The following MTUS2 variants were observed in gnomAD, a reference collection of about 807,000 sequenced individuals.
MTUS2 encodes the protein microtubule associated scaffold protein 2.
MTUS2 carries 40 observed loss-of-function variants against 114.1 expected under a neutral mutation model. The observed-to-expected ratio is 0.35, with a 90% CI of 0.27 to 0.46. MTUS2 has a LOEUF of 0.46. Ranked by LOEUF, MTUS2 falls within the 20% of genes least tolerant of loss-of-function variation. The pLI, the probability that MTUS2 is intolerant of heterozygous loss-of-function variation, is 1.00. For missense variants in MTUS2, 1,679 were observed against 1,705.4 expected, an observed-to-expected ratio of 0.98 and a Z score of 0.27; for synonymous variants, 688 against 672.0, an observed-to-expected ratio of 1.02 and a Z score of -0.37.
intron 4 of MTUS2, among the ~76,000 whole-genome samples, chr13:29,035,179 CT>C (rs1887006799): frequency 6.6e-6 from 1 of 152,210 alleles, no homozygotes; most frequent in Admixed American, 6.5e-5. Flanking sequence ...CTCCATCCTA[CT>C]CCTTCAGGAC....
At chr13:29,005,050 G>A (rs1250899293) in intron 2 of MTUS2, among the ~76,000 whole-genome samples, 2 of 152,186 alleles carry the variant, frequency 1.3e-5, no homozygotes, top group East Asian at 1.9e-4. Context: ...AGCCAATGAG[G>A]CCATGGAGAT....
intron 9 of MTUS2, among the ~76,000 whole-genome samples, chr13:29,473,067 CTA>C (rs1326122165): frequency 6.6e-5 from 10 of 152,108 alleles, no homozygotes; most frequent in African/African-American, 2.2e-4. Context: ...ATGATAGTGA[CTA>C]TTATAGTGAC....
At chr13:28,938,241 G>T (rs1882019805) in intron 2 of MTUS2, among the ~76,000 whole-genome samples, 1 of 152,008 alleles carries the variant, frequency 6.6e-6, no homozygotes, top group African/African-American at 2.4e-5. Flanking sequence ...AATTAGCTGG[G>T]CATGGTGTCG....
chr13:29,061,251 A>C (rs1307994774), intron 4 of MTUS2, among the ~76,000 whole-genome samples: 1 of 152,168 alleles, frequency 6.6e-6, no homozygotes, highest in Non-Finnish European at 1.5e-5. Context: ...CAAGGCTTAA[A>C]GTTCTTTTAG....
intron 2 of MTUS2, among the ~76,000 whole-genome samples, chr13:28,956,341 C>T (rs1474607839): frequency 6.6e-6 from 1 of 152,102 alleles, no homozygotes; most frequent in Non-Finnish European, 1.5e-5. Flanking sequence ...CCTTAAGGTT[C>T]TCGCCTGCCA....
intron 4 of MTUS2, among the ~76,000 whole-genome samples, chr13:29,041,614 T>G (rs563592880): frequency 6.6e-6 from 1 of 152,304 alleles, no homozygotes; most frequent in African/African-American, 2.4e-5. Flanking sequence ...CATCTGTGAT[T>G]TTTTTCGGCA....
Position 29,358,341 on chromosome 13 carries a change from A to G in MTUS2, c.2906-921A>G, listed in dbSNP as rs11617258. On this transcript the variant is annotated intron_variant, in intron 7 of 15. Coordinates refer to ENST00000612955, the MANE Select transcript of MTUS2 (RefSeq NM_001033602.4). ...CTTGCCTTTTCTTTTTTGAGCTTCA[A>G]CCTAAAAATCACCTCTCCTTAATGC... Among the ~76,000 whole-genome samples the G allele has an allele frequency of 6.9e-3, 1,048 of 152,048 alleles. 5 individuals are homozygous for G. Among genetic ancestry groups the G allele is most frequent in the Non-Finnish European group, 0.011 (725 of 67,978 alleles).
At chr13:28,826,251 T>A (rs563635416) in intron 1 of MTUS2, among the ~76,000 whole-genome samples, 1 of 152,272 alleles carries the variant, frequency 6.6e-6, no homozygotes, top group Non-Finnish European at 1.5e-5. Flanking sequence ...AATAAGTAAA[T>A]AAATCAATAA....
intron 2 of MTUS2, among the ~76,000 whole-genome samples, chr13:29,010,251 A>G (rs1566289328): frequency 6.6e-6 from 1 of 151,384 alleles, no homozygotes; most frequent in Non-Finnish European, 1.5e-5. Flanking sequence ...ACTGACACAC[A>G]CATGCACACT....
intron 2 of MTUS2, among the ~76,000 whole-genome samples, chr13:28,907,883 A>T (rs548006627): frequency 6.6e-6 from 1 of 151,554 alleles, no homozygotes; most frequent in African/African-American, 2.4e-5. Flanking sequence ...TCAGCACTTA[A>T]AAAACCATTG....
chr13:29,353,833 G>A (rs1163100822), intron 7 of MTUS2, among the ~76,000 whole-genome samples: 1 of 152,144 alleles, frequency 6.6e-6, no homozygotes, highest in African/African-American at 2.4e-5. Flanking sequence ...GTGGCCTTTG[G>A]TGGACTCTAA....
In MTUS2 at chr13:29,107,365, C is replaced by A. The variant is rs555515466; in HGVS notation, c.2644+6395C>A. Reference sequence around the variant, plus strand: ...AGTAGAATTTTAAGGGAAGTTATCTCCCAATAGAAACTTTTTCTCTTATGT... The same window carrying A: ...AGTAGAATTTTAAGGGAAGTTATCTACCAATAGAAACTTTTTCTCTTATGT... On this transcript the variant is annotated intron_variant, in intron 5 of 15. Transcript: ENST00000612955. Among the ~76,000 whole-genome samples, 3 of 152,180 alleles carry A rather than the reference C, an allele frequency of 2.0e-5. No homozygotes were observed. In the South Asian group the frequency reaches 6.2e-4, roughly 32 times the overall value.
At chr13:29,145,578 G>A (rs908895381) in intron 5 of MTUS2, among the ~76,000 whole-genome samples, 1 of 152,130 alleles carries the variant, frequency 6.6e-6, no homozygotes, top group African/African-American at 2.4e-5. Context: ...CATTTCCAAT[G>A]TTCAGTTTAG....
chr13:28,962,156 T>C (rs1883359470), intron 2 of MTUS2, among the ~76,000 whole-genome samples: 1 of 151,848 alleles, frequency 6.6e-6, no homozygotes, highest in Non-Finnish European at 1.5e-5. Context: ...TTTAACAAAT[T>C]GTTGTCCTGA....
rs1157282684 is a variant in MTUS2, at chr13:29,475,239, C to T, written c.3185-4911C>T. 1.1e-3 allele frequency among the ~76,000 whole-genome samples: 163 copies of T among 152,284 alleles called. 4 individuals are homozygous for T. The highest frequency in any genetic ancestry group is 3.1e-4 in the Non-Finnish European group (21 of 68,022). On this transcript the variant is annotated intron_variant, in intron 9 of 15. Coordinates refer to ENST00000612955, the MANE Select transcript of MTUS2 (RefSeq NM_001033602.4). Reference sequence around the variant, plus strand: ...GAGCCTCATAGCACAATGCATTACTCACATCTTTGTGGTGATGCTGGTATA... The same window carrying T: ...GAGCCTCATAGCACAATGCATTACTTACATCTTTGTGGTGATGCTGGTATA...
rs1416227919 is a variant in MTUS2 at position 28,989,837 on chromosome 13, TTTTTG to T, written c.-242-34605_-242-34601del. 7.3e-3 allele frequency among the ~76,000 whole-genome samples: 836 copies of T among 114,012 alleles called. 4 individuals carry two copies. Among genetic ancestry groups the T allele is most frequent in the Non-Finnish European group, 8.1e-3 (434 of 53,468 alleles). The allele number at this position is 114,012 out of a possible 152,430, so 74.8% of individuals were successfully genotyped here. On this transcript the variant is annotated intron_variant, in intron 2 of 15. Coordinates refer to ENST00000612955, the MANE Select transcript of MTUS2 (RefSeq NM_001033602.4). ...CTAACAAGTCAGGCTTTGGGCCTTT[TTTTTG>T]TTTTGTTTTGTTTTTTTTTTTTTTT... is the stretch of plus-strand genomic sequence containing the variant.
intron 5 of MTUS2, among the ~76,000 whole-genome samples, chr13:29,234,728 A>ACCCTCT (rs11281302): frequency 0.84 from 128,148 of 151,702 alleles, 54,251 homozygotes; most frequent in African/African-American, 0.9. Flanking sequence ...TATAGCATTT[A>ACCCTCT]GGTGGTACAC....
chr13:29,413,270 T>A (rs1047175276), intron 8 of MTUS2, among the ~76,000 whole-genome samples: 1 of 152,212 alleles, frequency 6.6e-6, no homozygotes, highest in African/African-American at 2.4e-5. Flanking sequence ...GGGCAATTTA[T>A]AGAACACTGG....
chr13:29,094,192 G>T (rs994405248), intron 4 of MTUS2, among the ~76,000 whole-genome samples: 1 of 151,890 alleles, frequency 6.6e-6, no homozygotes, highest in South Asian at 2.1e-4. Flanking sequence ...TTAGCATCAA[G>T]ATTATACTGG....
Sources: allele counts gnomAD v4.1 joint callset (sites outside exome capture counted in the v4.1 genomes callset), GRCh38; gene constraint gnomAD v4.1.1; transcripts MANE v1.5; gene names NCBI Gene and HGNC (gene_info 2026-07-23, HGNC 2026-07-21).